Variants in CELF2 observed in about 807,000 individuals in gnomAD.
The protein encoded by CELF2 is CUGBP Elav-like family member 2, also known as CUG triplet repeat RNA-binding protein 2.
A neutral mutation model predicts 62.6 loss-of-function variants in CELF2; 8 were observed. That is an observed-to-expected ratio of 0.13 (90% CI 0.07 to 0.23). CELF2 has a LOEUF of 0.23. Among genes scored for constraint, CELF2 ranks in the 10% least tolerant of loss-of-function variants. The probability of loss-of-function intolerance (pLI) is 1.00; values close to 1 mark genes in which losing one functional copy is unlikely to be tolerated. For missense variants in CELF2, 333 were observed against 671.0 expected, an observed-to-expected ratio of 0.50 and a Z score of 5.56; for synonymous variants, 258 against 250.0, an observed-to-expected ratio of 1.03 and a Z score of -0.30.
Position 11,173,020 on chromosome 10 carries a change from A to G in CELF2, c.271+7338A>G, listed in dbSNP as rs566882251. On this transcript the variant is annotated intron_variant, in intron 2 of 12. Coordinates refer to ENST00000633077, the MANE Select transcript of CELF2 (RefSeq NM_001326342.2). ...CAGGTAGATTGAAAAAGTGAAGTCT[A>G]GGTGATCTCACAATTTGCATTTGCC... Among the ~76,000 whole-genome samples the G allele has an allele frequency of 8.5e-5, 13 of 152,334 alleles. 1 individual carries two copies. In the East Asian group the frequency reaches 2.5e-3, roughly 29 times the overall value.
At chr10:11,274,962 T>G in intron 7 of CELF2, 95 bp from the exon 8 acceptor site, 1 of 1,213,378 alleles carries the variant, frequency 8.2e-7, no homozygotes, top group East Asian at 2.3e-5. Flanking sequence ...CAACCAACCC[T>G]GGAAATGCAG....
chr10:11,010,677 G>A lies in CELF2; in HGVS notation c.53+5237G>A, dbSNP rs115073763. On this transcript the variant is annotated intron_variant, in intron 1 of 12. Transcript: ENST00000416382. This position sits in a 1 kb window ranked among gnomAD's most constrained non-coding sequence, Gnocchi z 4.1. Reference sequence around the variant, plus strand: ...CTGTATTCAGCCAAACACCTCCCATGAGCCATCTTGACAGTATAACTATTT... The same window carrying A: ...CTGTATTCAGCCAAACACCTCCCATAAGCCATCTTGACAGTATAACTATTT... 1.3e-5 allele frequency among the ~76,000 whole-genome samples: 2 copies of A among 152,308 alleles called. No homozygotes were observed. Among genetic ancestry groups the A allele is most frequent in the East Asian group, 1.9e-4 (1 of 5,186 alleles).
intron 2 of CELF2, among the ~76,000 whole-genome samples, chr10:10,988,181 G>C (rs2053004704): frequency 6.6e-6 from 1 of 151,650 alleles, no homozygotes; most frequent in South Asian, 2.1e-4. Context: ...CCAAGACATG[G>C]AACCAACCTA....
At chr10:10,878,372 C>T (rs78768269) in intron 1 of CELF2, among the ~76,000 whole-genome samples, 2 of 152,166 alleles carry the variant, frequency 1.3e-5, no homozygotes, top group African/African-American at 4.8e-5. Flanking sequence ...TCTCTGAGCA[C>T]AGTGGGTTAC....
At chr10:10,945,388 T>A (rs2135557859) in intron 2 of CELF2, among the ~76,000 whole-genome samples, 1 of 152,270 alleles carries the variant, frequency 6.6e-6, no homozygotes, top group Middle Eastern at 3.4e-3. Flanking sequence ...ATGCCACCTA[T>A]AGGCACCATA....
chr10:10,658,148 C>G, the CELF2 span, among the ~76,000 whole-genome samples: 1 of 152,152 alleles, frequency 6.6e-6, no homozygotes, highest in Admixed American at 6.5e-5. Context: ...CTGTCTGATG[C>G]AGTCTTTTCT....
intron 2 of CELF2, among the ~76,000 whole-genome samples, chr10:11,213,592 TC>T (rs2062501409): frequency 1.3e-5 from 2 of 152,172 alleles, no homozygotes; most frequent in Admixed American, 1.3e-4. Context: ...AGGTGGGTAA[TC>T]TAATATTTTA....
chr10:11,170,291 A>T (rs1352579485), intron 2 of CELF2, among the ~76,000 whole-genome samples: 1 of 152,218 alleles, frequency 6.6e-6, no homozygotes, highest in Non-Finnish European at 1.5e-5. Flanking sequence ...CAGAAATAGG[A>T]GACACTTCGT....
intron 2 of CELF2, chr10:10,960,079 C>T (rs1033300031): frequency 6.6e-6 from 1 of 152,240 alleles, no homozygotes; most frequent in Admixed American, 6.5e-5. Context: ...ATGTCACAGC[C>T]GGATAGTACG....
chr10:10,693,588 A>G, the CELF2 span, among the ~76,000 whole-genome samples: 2 of 151,172 alleles, frequency 1.3e-5, no homozygotes, highest in Admixed American at 6.6e-5. Context: ...AAGGAATGGT[A>G]CCAGTTCCTC....
chr10:10,612,735 C>T, the CELF2 span, among the ~76,000 whole-genome samples: 1 of 152,156 alleles, frequency 6.6e-6, no homozygotes, highest in East Asian at 1.9e-4. Context: ...TCCTGTGCTC[C>T]CATTTGGAGC....
intron 1 of CELF2, among the ~76,000 whole-genome samples, chr10:11,133,527 G>C (rs568166082): frequency 6.6e-6 from 1 of 152,118 alleles, no homozygotes; most frequent in Non-Finnish European, 1.5e-5. Context: ...TTGTACATAC[G>C]TATACAAGAT....
intron 1 of CELF2, among the ~76,000 whole-genome samples, chr10:10,903,292 C>T (rs1030720301): frequency 6.6e-6 from 1 of 152,206 alleles, no homozygotes; most frequent in African/African-American, 2.4e-5. Flanking sequence ...GACCTATCTG[C>T]TCCCAGGATG....
intron 2 of CELF2, among the ~76,000 whole-genome samples, chr10:11,198,186 A>G (rs1195199771): frequency 1.3e-5 from 2 of 152,252 alleles, no homozygotes; most frequent in Non-Finnish European, 2.9e-5. Flanking sequence ...CTGTGTAATC[A>G]GTCCATTATC....
At chr10:10,470,417 A>G in the CELF2 span, among the ~76,000 whole-genome samples, 1 of 151,816 alleles carries the variant, frequency 6.6e-6, no homozygotes, top group African/African-American at 2.4e-5. Flanking sequence ...GACAAAAATC[A>G]AAGTGTCAGC....
At chr10:10,696,206 A>G in the CELF2 span, among the ~76,000 whole-genome samples, 1 of 152,058 alleles carries the variant, frequency 6.6e-6, no homozygotes, top group Non-Finnish European at 1.5e-5. Flanking sequence ...TCTGTTTGTT[A>G]GTTTTCCTTC....
chr10:10,738,455 A>G, the CELF2 span, among the ~76,000 whole-genome samples: 2 of 152,216 alleles, frequency 1.3e-5, no homozygotes, highest in East Asian at 1.9e-4. Flanking sequence ...CAACATCAGT[A>G]TCAGCACTGA....
intron 1 of CELF2, among the ~76,000 whole-genome samples, chr10:11,078,260 G>A (rs574473293): frequency 3.3e-5 from 5 of 151,862 alleles, no homozygotes; most frequent in African/African-American, 9.7e-5. Flanking sequence ...GGTGGGGGGC[G>A]GAATGTATGC....
intron 2 of CELF2, among the ~76,000 whole-genome samples, chr10:10,954,273 C>G (rs1299546503): frequency 2.0e-5 from 3 of 149,058 alleles, no homozygotes; most frequent in African/African-American, 4.9e-5. Context: ...TGAGATGGAG[C>G]CTTGTTCTGT....
Sources: allele counts gnomAD v4.1 joint callset (sites outside exome capture counted in the v4.1 genomes callset), GRCh38; gene constraint gnomAD v4.1.1; non-coding constraint Gnocchi (gnomAD v3.1); transcripts MANE v1.5; gene names NCBI Gene and HGNC (gene_info 2026-07-23, HGNC 2026-07-21).